Variants in ARMC12 observed in about 807,000 individuals in gnomAD.
ARMC12 encodes armadillo repeat containing 12.
Under a neutral mutation model 37.4 loss-of-function variants are expected in ARMC12, and 25 were observed. The ratio of observed to expected loss-of-function variants is 0.67; its 90% confidence interval spans 0.49 to 0.93. The LOEUF is 0.93. ARMC12 is among the 40% of genes least tolerant of loss of function. The pLI, the probability that ARMC12 is intolerant of heterozygous loss-of-function variation, is 0.00. For missense variants in ARMC12, 384 were observed against 426.6 expected, an observed-to-expected ratio of 0.90 and a Z score of 0.88; for synonymous variants, 167 against 176.1, an observed-to-expected ratio of 0.95 and a Z score of 0.41.
upstream of ARMC12, among the ~76,000 whole-genome samples, chr6:35,736,590 C>T (rs1182609740): frequency 6.6e-6 from 1 of 152,100 alleles, no homozygotes; most frequent in East Asian, 1.9e-4. Context: ...TGCTTCATCT[C>T]CTGTGGTCTC....
At chr6:35,737,030 C>T, upstream of ARMC12, 2 of 1,578,700 alleles carry the variant, frequency 1.3e-6, no homozygotes, top group Non-Finnish European at 1.7e-6. Flanking sequence ...CCTGACCCTG[C>T]CAGAGTTCTG....
upstream of ARMC12, among the ~76,000 whole-genome samples, chr6:35,734,766 C>T (rs1221925811): frequency 1.1e-4 from 17 of 150,992 alleles, no homozygotes; most frequent in East Asian, 1.9e-4. Flanking sequence ...CGCACCACTG[C>T]GCTCCAACCT....
At chr6:35,748,425 C>G (rs563479331) in intron 5 of ARMC12, 113 bp from the exon 6 acceptor site, 1 of 839,474 alleles carries the variant, frequency 1.2e-6, no homozygotes, top group African/African-American at 1.8e-5. Context: ...ACTATATACT[C>G]GAGTCTGAAA....
At chr6:35,747,151 A>G (rs1767363702) in intron 3 of ARMC12, 110 bp from the exon 4 acceptor site, 5 of 1,224,038 alleles carry the variant, frequency 4.1e-6, no homozygotes, top group South Asian at 3.3e-5. Flanking sequence ...AGAATTGTCT[A>G]TTGGGTTTGG....
chr6:35,732,271 G>A (rs1474410805), upstream of ARMC12, among the ~76,000 whole-genome samples: 1 of 152,198 alleles, frequency 6.6e-6, no homozygotes, highest in African/African-American at 2.4e-5. Flanking sequence ...TGGGATCCAC[G>A]TTAAGGCAGG....
intron 3 of ARMC12, among the ~76,000 whole-genome samples, chr6:35,744,025 G>C (rs1767258200): frequency 6.6e-6 from 1 of 152,016 alleles, no homozygotes; most frequent in Non-Finnish European, 1.5e-5. Flanking sequence ...TCAAAAGCAT[G>C]ATCTATAAAA....
chr6:35,744,617 T>C lies in ARMC12; in HGVS notation c.445-2644T>C, dbSNP rs928040197. Among the ~76,000 whole-genome samples the C allele has an allele frequency of 3.9e-5, 6 of 152,126 alleles. No individual in the cohort carries two copies. The East Asian group carries it at 1.2e-3, about 30-fold the overall frequency. ...TAAAAATACAAAAACTAGCTGGGCA[T>C]GGTGGTGGGCACCTGTAATCCTAGC... On this transcript the variant is annotated intron_variant, in intron 3 of 5. Coordinates refer to ENST00000373866, the MANE Select transcript of ARMC12 (RefSeq NM_001286574.2).
chr6:35,747,721 C>G, intron 5 of ARMC12, 74 bp downstream of exon 5: 1 of 1,469,506 alleles, frequency 6.8e-7, no homozygotes, highest in Non-Finnish European at 9.5e-7. Context: ...ATGGCATCTC[C>G]AGACAGATTT....
In ARMC12 at chr6:35,738,021, G is replaced by C. The variant is rs1767026389; in HGVS notation, c.164-6G>C. 1.2e-6 allele frequency: 2 copies of C among 1,612,484 alleles called. No homozygotes were observed. Among genetic ancestry groups the C allele is most frequent in the Non-Finnish European group, 1.7e-6 (2 of 1,180,034 alleles). ...CAGCCTGAACTGGGCTGGGGTGGCT[G>C]TCTAGGCCTGGCAGTCGAGCGAGAG... On this transcript the variant is annotated splice_region_variant and splice_polypyrimidine_tract_variant and intron_variant, in intron 1 of 5. Transcript: ENST00000373866.
At chr6:35,733,847 C>T (rs368315677), upstream of ARMC12, 3 of 152,256 alleles carry the variant, frequency 2.0e-5, no homozygotes, top group African/African-American at 7.2e-5. Context: ...ACTTACTAAA[C>T]TCAAATGTAC....
chr6:35,740,705 T>C (rs1767136752), intron 3 of ARMC12, among the ~76,000 whole-genome samples: 1 of 152,162 alleles, frequency 6.6e-6, no homozygotes, highest in Admixed American at 6.5e-5. Context: ...ATTTTCTTTG[T>C]AGTTTTACCA....
At chr6:35,737,588 C>T (rs1767009312) in intron 1 of ARMC12, among the ~76,000 whole-genome samples, 1 of 152,134 alleles carries the variant, frequency 6.6e-6, no homozygotes, top group African/African-American at 2.4e-5. Context: ...CCTTTTCTGC[C>T]CTAGGAACGT....
chr6:35,740,236 C>G (rs972215854), intron 3 of ARMC12, among the ~76,000 whole-genome samples: 3 of 152,112 alleles, frequency 2.0e-5, no homozygotes, highest in African/African-American at 4.8e-5. Flanking sequence ...TGTCACTTCC[C>G]CCTTTCCCTG....
rs752758025 is a variant in ARMC12 at position 35,747,451 on chromosome 6, G to A, written c.618+17G>A. 4.3e-6 allele frequency: 7 copies of A among 1,613,934 alleles called. No individual in the cohort carries two copies. Among genetic ancestry groups the A allele is most frequent in the African/African-American group, 1.3e-5 (1 of 74,932 alleles). Reference sequence around the variant, plus strand: ...CTGGCACAGGTGCCTGAGGACCATGGCCAAGGCCCTGCCTTGCTGACCAGC... The same window carrying A: ...CTGGCACAGGTGCCTGAGGACCATGACCAAGGCCCTGCCTTGCTGACCAGC... On this transcript the variant is annotated intron_variant, in intron 4 of 5. Coordinates refer to ENST00000373866, the MANE Select transcript of ARMC12 (RefSeq NM_001286574.2).
chr6:35,747,341 C>T lies in ARMC12; in HGVS notation c.525C>T (p.Asn175=). The stretch of plus-strand genomic sequence containing the variant: ...ACATTGCGGGCCTCAGACTCCTCAA[C>T]AACCTTCCACTGCCCGACTATGTGC... ...ELHIAGLRLL[N]NLPLPDYVHP... The change falls in exon 4 of 6, where the codon AAC becomes AAT. Residue 175 remains asparagine (N), a synonymous_variant. Coordinates refer to ENST00000373866, the MANE Select transcript of ARMC12 (RefSeq NM_001286574.2). 1 of 1,614,178 alleles carries T rather than the reference C, an allele frequency of 6.2e-7. No individual in the cohort carries two copies. The highest frequency in any genetic ancestry group is 2.2e-5 in the East Asian group (1 of 44,882).
Position 35,747,420 on chromosome 6 carries a change from T to G in ARMC12, c.604T>G (p.Tyr202Asp). ...PALMEILQSD[Y>D]ILAQVQAVRL... ...CTTGATGGAGATCCTGCAGTCAGAC[T>G]ACATCCTGGCACAGGTGCCTGAGGA... Residue 202 changes from tyrosine to aspartate, a missense_variant, in exon 4 of 6, where the codon TAC becomes GAC. Physicochemically the swap from Tyr to Asp is radical, Grantham distance 160. Coordinates refer to ENST00000373866, the MANE Select transcript of ARMC12 (RefSeq NM_001286574.2). The G allele has an allele frequency of 6.2e-7, 1 of 1,614,194 alleles. No individual in the cohort carries two copies. The highest frequency in any genetic ancestry group is 8.5e-7 in the Non-Finnish European group (1 of 1,180,036).
At chr6:35,740,996 CT>C (rs1767148450) in intron 3 of ARMC12, among the ~76,000 whole-genome samples, 1 of 149,404 alleles carries the variant, frequency 6.7e-6, no homozygotes, top group Admixed American at 6.7e-5. Flanking sequence ...ACTTCTCAGG[CT>C]CAAGCAGTCC....
At position 35,747,393 on chromosome 6, in the gene ARMC12, G is replaced by T. The variant is rs775303238; in HGVS notation, c.577G>T (p.Ala193Ser). The T allele has an allele frequency of 1.9e-6, 3 of 1,614,090 alleles. No individual in the cohort carries two copies. In the Admixed American group the frequency reaches 5.0e-5, roughly 27 times the overall value. Residue 193 changes from alanine to serine, a missense_variant, in exon 4 of 6, where the codon GCC (alanine) becomes TCC (serine). Transcript: ENST00000373866. ...VHPQLRRVMP[A>S]LMEILQSDYI... ...TCCACAGCTGCGACGGGTGATGCCT[G>T]CCTTGATGGAGATCCTGCAGTCAGA... is the stretch of plus-strand genomic sequence containing the variant.
chr6:35,745,101 C>G (rs1049969932), intron 3 of ARMC12, among the ~76,000 whole-genome samples: 1 of 152,206 alleles, frequency 6.6e-6, no homozygotes, highest in African/African-American at 2.4e-5. Flanking sequence ...TTTACCAATT[C>G]AGCAGTTGAA....
Sources: gnomAD v4.1 joint callset for allele counts (sites outside exome capture counted in the v4.1 genomes callset) on GRCh38, gnomAD v4.1.1 for gene constraint, MANE v1.5 for transcripts, NCBI Gene and HGNC (gene_info 2026-07-23, HGNC 2026-07-21) for gene names.